The following ERG variants were observed in gnomAD, a reference collection of about 807,000 sequenced individuals.
ERG encodes the protein ETS transcription factor ERG, also known as transcriptional regulator ERG.
Under a neutral mutation model 55.3 loss-of-function variants are expected in ERG, and 9 were observed. The ratio of observed to expected loss-of-function variants is 0.16; its 90% CI spans 0.10 to 0.28. The LOEUF is 0.28. ERG is among the 10% of genes least tolerant of loss of function. The probability of loss-of-function intolerance (pLI) is 1.00; values close to 1 mark genes in which losing one functional copy is unlikely to be tolerated. For synonymous variants in ERG, 223 were observed against 237.3 expected (o/e 0.94, Z 0.55); for missense variants, 434 against 631.6 (o/e 0.69, Z 3.35).
chr21:38,564,122 T>G (rs1023641241), intron 2 of ERG, among the ~76,000 whole-genome samples: 6 of 152,186 alleles, frequency 3.9e-5, no homozygotes, highest in Non-Finnish European at 8.8e-5. Context: ...GTGTTCATTT[T>G]GCACAGAACC....
chr21:38,658,866 T>A (rs1364569260), intron 1 of ERG, among the ~76,000 whole-genome samples: 1 of 152,248 alleles, frequency 6.6e-6, no homozygotes, highest in Non-Finnish European at 1.5e-5. Flanking sequence ...AATGTTTATA[T>A]ACAGGTGTGA....
At chr21:38,589,982 C>T (rs1016062987) in intron 1 of ERG, among the ~76,000 whole-genome samples, 4 of 152,132 alleles carry the variant, frequency 2.6e-5, no homozygotes, top group African/African-American at 7.2e-5. Flanking sequence ...TCCATAGTCA[C>T]GCAGACACGC....
chr21:38,544,890 C>T (rs1250135313), intron 2 of ERG, among the ~76,000 whole-genome samples: 1 of 152,070 alleles, frequency 6.6e-6, no homozygotes, highest in African/African-American at 2.4e-5. Flanking sequence ...GGCTCTTCTC[C>T]CCTCCCCACA....
At chr21:38,445,360 GAAA>G (rs2058881569) in intron 2 of ERG, 41 bp downstream of exon 2, 10 of 1,518,710 alleles carry the variant, frequency 6.6e-6, no homozygotes, top group Non-Finnish European at 9.1e-6. Context: ...CAAAGGATAG[GAAA>G]ATGGGAGGTC....
intron 1 of ERG, among the ~76,000 whole-genome samples, chr21:38,657,213 CAG>C (rs1355474835): frequency 2.6e-5 from 4 of 152,184 alleles, no homozygotes; most frequent in African/African-American, 7.2e-5. Context: ...CTGAATAGGA[CAG>C]AGTCACATAA....
At chr21:38,639,995 C>A (rs890388548) in intron 1 of ERG, among the ~76,000 whole-genome samples, 1 of 152,110 alleles carries the variant, frequency 6.6e-6, no homozygotes, top group Non-Finnish European at 1.5e-5. Flanking sequence ...CCCTCCCCCA[C>A]AACAAAACAA....
At chr21:38,596,644 G>A (rs944685241) in intron 1 of ERG, among the ~76,000 whole-genome samples, 2 of 152,206 alleles carry the variant, frequency 1.3e-5, no homozygotes, top group African/African-American at 2.4e-5. Flanking sequence ...GCTAATATCT[G>A]TTGTAATGCC....
At chr21:38,441,683 C>T (rs1428152402) in intron 2 of ERG, among the ~76,000 whole-genome samples, 1 of 152,306 alleles carries the variant, frequency 6.6e-6, no homozygotes, top group African/African-American at 2.4e-5. Context: ...CCACTCCTCT[C>T]CCTCCCCCTG....
intron 3 of ERG, among the ~76,000 whole-genome samples, chr21:38,418,460 A>T (rs1013959168): frequency 3.9e-5 from 6 of 152,000 alleles, no homozygotes; most frequent in Admixed American, 3.3e-4. Context: ...TAATGTTAAA[A>T]TTTTTTGTAG....
intron 1 of ERG, among the ~76,000 whole-genome samples, chr21:38,476,881 G>A (rs998973010): frequency 1.1e-4 from 16 of 152,030 alleles, no homozygotes; most frequent in African/African-American, 3.6e-4. Context: ...AAAATTAACT[G>A]GAGGTATTTC....
At chr21:38,524,784 AAACAGT>A (rs2059618694) in intron 2 of ERG, among the ~76,000 whole-genome samples, 2 of 152,234 alleles carry the variant, frequency 1.3e-5, no homozygotes, top group Admixed American at 6.5e-5. Context: ...TTAGAGCCAG[AAACAGT>A]AACAGTGTCC....
intron 5 of ERG, among the ~76,000 whole-genome samples, chr21:38,401,395 AG>A (rs1988484812): frequency 6.6e-6 from 1 of 152,250 alleles, no homozygotes; most frequent in South Asian, 2.1e-4. Flanking sequence ...TCTGGCCACA[AG>A]GTCACTAATA....
At chr21:38,418,927 C>CAAAAA (rs35001409) in intron 3 of ERG, among the ~76,000 whole-genome samples, 7 of 80,850 alleles carry the variant, frequency 8.7e-5, no homozygotes, top group African/African-American at 1.4e-4. Flanking sequence ...GACTTTGTCT[C>CAAAAA]AAAAAAAAAA....
At chr21:38,445,290 G>A in intron 2 of ERG, 114 bp downstream of exon 2, 3 of 789,994 alleles carry the variant, frequency 3.8e-6, no homozygotes, top group Non-Finnish European at 4.2e-6. Flanking sequence ...TACAGGCACA[G>A]TGGCCTTGCT....
chr21:38,563,933 G>T (rs1380600164), intron 2 of ERG, among the ~76,000 whole-genome samples: 1 of 152,210 alleles, frequency 6.6e-6, no homozygotes, highest in Non-Finnish European at 1.5e-5. Context: ...CGCGAGTAAG[G>T]TATCGGGAGA....
At chr21:38,608,141 A>T (rs1019450697) in intron 1 of ERG, among the ~76,000 whole-genome samples, 1 of 152,222 alleles carries the variant, frequency 6.6e-6, no homozygotes, top group Non-Finnish European at 1.5e-5. Flanking sequence ...TCAAAACATA[A>T]ATATTCTCAG....
At chr21:38,439,023 C>A (rs2058816887) in intron 2 of ERG, among the ~76,000 whole-genome samples, 1 of 152,222 alleles carries the variant, frequency 6.6e-6, no homozygotes, top group Non-Finnish European at 1.5e-5. Context: ...CCGGGGGAAC[C>A]CTCACTCAAC....
At chr21:38,598,174 T>C (rs1284711939) in intron 1 of ERG, among the ~76,000 whole-genome samples, 1 of 152,140 alleles carries the variant, frequency 6.6e-6, no homozygotes, top group Non-Finnish European at 1.5e-5. Flanking sequence ...AACCACCCAT[T>C]TTCTCCCAGA....
chr21:38,438,746 T>C (rs1351343917), intron 2 of ERG, among the ~76,000 whole-genome samples: 1 of 152,166 alleles, frequency 6.6e-6, no homozygotes, highest in Non-Finnish European at 1.5e-5. Context: ...TCCGCGTAGA[T>C]CCTCCCAGAT....
Sources: allele counts gnomAD v4.1 joint callset (sites outside exome capture counted in the v4.1 genomes callset), GRCh38; gene constraint gnomAD v4.1.1; transcripts MANE v1.5; gene names NCBI Gene and HGNC (gene_info 2026-07-23, HGNC 2026-07-21).